The following PVT1 variants were observed in gnomAD, a reference collection of about 807,000 sequenced individuals.
PVT1 encodes the protein Pvt1 oncogene, also known as CXCR4/PVT1 fusion.
chr8:127,917,601 G>A (rs1369383979), intron 3 of PVT1, among the ~76,000 whole-genome samples: 1 of 152,218 alleles, frequency 6.6e-6, no homozygotes, highest in African/African-American at 2.4e-5. Context: ...AGAGAAGGAA[G>A]AAATAGAGGG....
intron 4 of PVT1, among the ~76,000 whole-genome samples, chr8:128,018,002 A>G (rs144632641): frequency 1.2e-4 from 19 of 152,254 alleles, no homozygotes; most frequent in African/African-American, 4.6e-4. Flanking sequence ...TTCAGAGAAC[A>G]TTTTCCGAAT....
At chr8:127,873,018 T>C (rs1815369413) in intron 2 of PVT1, among the ~76,000 whole-genome samples, 1 of 152,138 alleles carries the variant, frequency 6.6e-6, no homozygotes, top group Non-Finnish European at 1.5e-5. Flanking sequence ...CCCCGCATGG[T>C]TCCTCCTGTT....
chr8:127,995,847 C>T (rs1014477845), intron 4 of PVT1, among the ~76,000 whole-genome samples: 5 of 152,086 alleles, frequency 3.3e-5, no homozygotes, highest in Admixed American at 6.5e-5. Flanking sequence ...AATCTTCCTG[C>T]GGAACGTATG....
intron 2 of PVT1, among the ~76,000 whole-genome samples, chr8:127,822,018 A>G (rs1002404935): frequency 1.3e-5 from 2 of 152,146 alleles, no homozygotes; most frequent in Non-Finnish European, 2.9e-5. Context: ...GTTGTGTGGT[A>G]TTGACTAAAT....
intron 4 of PVT1, among the ~76,000 whole-genome samples, chr8:127,992,099 T>A (rs1188486895): frequency 3.3e-5 from 5 of 149,684 alleles, no homozygotes; most frequent in South Asian, 2.1e-4. Flanking sequence ...AGGAAAAAAA[T>A]TTCTTGCCAG....
At chr8:127,829,494 C>G (rs1772634307) in intron 2 of PVT1, among the ~76,000 whole-genome samples, 1 of 152,132 alleles carries the variant, frequency 6.6e-6, no homozygotes. Context: ...TTTAAGTAAG[C>G]AAGACTTTCA....
chr8:128,083,127 C>T (rs887908314), intron 5 of PVT1, among the ~76,000 whole-genome samples: 2 of 152,194 alleles, frequency 1.3e-5, no homozygotes, highest in African/African-American at 4.8e-5. Context: ...AGTCACTTAG[C>T]TTCTCTGTGA....
At chr8:128,068,087 T>C (rs1196343493) in intron 4 of PVT1, among the ~76,000 whole-genome samples, 1 of 152,048 alleles carries the variant, frequency 6.6e-6, no homozygotes, top group Non-Finnish European at 1.5e-5. Context: ...GCTTGGCCTC[T>C]TGCCCCCTGT....
intron 2 of PVT1, among the ~76,000 whole-genome samples, chr8:127,831,722 C>A (rs1814852850): frequency 6.6e-6 from 1 of 152,286 alleles, no homozygotes; most frequent in South Asian, 2.1e-4. Flanking sequence ...GGAGGAGAGT[C>A]ATCACTTGCA....
chr8:127,806,330 G>A (rs189090641), intron 2 of PVT1, among the ~76,000 whole-genome samples: 248 of 152,182 alleles, frequency 1.6e-3, no homozygotes, highest in Middle Eastern at 6.8e-3. Context: ...GTGTGGTGGC[G>A]TGTGCCTGTA....
intron 4 of PVT1, among the ~76,000 whole-genome samples, chr8:128,038,082 A>G (rs1379458368): frequency 6.6e-6 from 1 of 152,226 alleles, no homozygotes; most frequent in Non-Finnish European, 1.5e-5. Flanking sequence ...AAGAAGCTTG[A>G]TATTTTAGGT....
chr8:128,069,598 G>A (rs1215932375), intron 4 of PVT1, among the ~76,000 whole-genome samples: 2 of 152,168 alleles, frequency 1.3e-5, no homozygotes, highest in Admixed American at 1.3e-4. Context: ...AGAGAGCTGA[G>A]TCCTTAGGGC....
intron 2 of PVT1, among the ~76,000 whole-genome samples, chr8:127,837,870 T>C (rs1460239363): frequency 1.3e-5 from 2 of 152,080 alleles, no homozygotes; most frequent in Non-Finnish European, 2.9e-5. Context: ...ATATCAGTTG[T>C]AGCTCTAAAG....
intron 3 of PVT1, among the ~76,000 whole-genome samples, chr8:127,956,118 A>G (rs1265210647): frequency 2.0e-5 from 3 of 152,240 alleles, no homozygotes; most frequent in Non-Finnish European, 2.9e-5. Context: ...GTATGTCACA[A>G]TGGAGTGTGA....
At chr8:127,818,733 C>A (rs1814695027) in intron 2 of PVT1, among the ~76,000 whole-genome samples, 1 of 152,136 alleles carries the variant, frequency 6.6e-6, no homozygotes, top group African/African-American at 2.4e-5. Context: ...CCCTCTAGAG[C>A]CTCCACGTCC....
intron 3 of PVT1, among the ~76,000 whole-genome samples, chr8:127,907,027 A>G (rs139560243): frequency 6.8e-6 from 1 of 147,986 alleles, no homozygotes; most frequent in Non-Finnish European, 1.5e-5. Flanking sequence ...GTGGCACAAT[A>G]TCAGCTCACT....
At chr8:127,909,734 ATTGGGGGCCTCCGTG>A (rs1171939285) in intron 3 of PVT1, among the ~76,000 whole-genome samples, 1 of 152,064 alleles carries the variant, frequency 6.6e-6, no homozygotes, top group East Asian at 1.9e-4. Context: ...GGTCCCCAGA[ATTGGGGGCCTCCGTG>A]TTGGAAAGGG....
At chr8:127,960,322 A>T (rs114795844) in intron 3 of PVT1, among the ~76,000 whole-genome samples, 5,385 of 152,242 alleles carry the variant, frequency 0.035, 332 homozygotes, top group African/African-American at 0.12. Flanking sequence ...ATCTCAGGTC[A>T]CAGAGTGGCT....
intron 4 of PVT1, among the ~76,000 whole-genome samples, chr8:127,990,774 G>A (rs1315922606): frequency 6.6e-6 from 1 of 152,240 alleles, no homozygotes; most frequent in Non-Finnish European, 1.5e-5. Context: ...ATGCAGAGGT[G>A]AAGAGCATGA....
Sources: allele counts gnomAD v4.1 joint callset (sites outside exome capture counted in the v4.1 genomes callset), GRCh38; gene constraint gnomAD v4.1.1; transcripts MANE v1.5; gene names NCBI Gene and HGNC (gene_info 2026-07-23, HGNC 2026-07-21).